The following ERBB4 variants were observed in gnomAD, a reference collection of about 807,000 sequenced individuals.
ERBB4 encodes erb-b2 receptor tyrosine kinase 4.
A neutral mutation model predicts 158.0 loss-of-function variants in ERBB4; 42 were observed. That is an observed-to-expected ratio of 0.27 (90% CI 0.21 to 0.34). The LOEUF (loss-of-function observed/expected upper bound fraction) is 0.34, where lower values mean the gene tolerates loss of function less well. Among genes scored for constraint, ERBB4 ranks in the 10% least tolerant of loss-of-function variants. ERBB4 has a pLI of 1.00. For synonymous variants in ERBB4, 583 were observed against 558.7 expected (o/e 1.04, Z -0.61); for missense variants, 1,333 against 1,624.1 (o/e 0.82, Z 3.08).
chr2:211,997,909 T>TACA (rs35510591), intron 2 of ERBB4, among the ~76,000 whole-genome samples: 3,947 of 150,550 alleles, frequency 0.026, 64 homozygotes, highest in African/African-American at 0.05. Flanking sequence ...CACACACACA[T>TACA]CACACACACA....
chr2:212,274,641 C>A (rs75119611), intron 1 of ERBB4, among the ~76,000 whole-genome samples: 16,890 of 151,778 alleles, frequency 0.11, 1,115 homozygotes, highest in South Asian at 0.2. Context: ...GTATGGTCTG[C>A]AAGTGTTACT....
chr2:211,476,737 A>G (rs575834696), intron 20 of ERBB4, among the ~76,000 whole-genome samples: 1 of 152,222 alleles, frequency 6.6e-6, no homozygotes, highest in South Asian at 2.1e-4. Context: ...TGTTTTGCAA[A>G]ATACAAAACA....
At chr2:211,580,188 T>C (rs956068781) in intron 19 of ERBB4, among the ~76,000 whole-genome samples, 1 of 152,066 alleles carries the variant, frequency 6.6e-6, no homozygotes, top group African/African-American at 2.4e-5. Context: ...ATTATCCGTT[T>C]AAGGAAAAAC....
At chr2:211,490,771 T>TGCAC in intron 20 of ERBB4, among the ~76,000 whole-genome samples, 1 of 152,162 alleles carries the variant, frequency 6.6e-6, no homozygotes, top group African/African-American at 2.4e-5. Flanking sequence ...CTTACAGCTT[T>TGCAC]GCATCCTAAT....
At chr2:211,479,355 T>G (rs776466485) in intron 20 of ERBB4, among the ~76,000 whole-genome samples, 3 of 152,150 alleles carry the variant, frequency 2.0e-5, no homozygotes, top group Non-Finnish European at 4.4e-5. Context: ...TCCAAAACCA[T>G]CAAGACATTT....
chr2:212,285,024 T>C (rs7570768), intron 1 of ERBB4, among the ~76,000 whole-genome samples: 1 of 151,894 alleles, frequency 6.6e-6, no homozygotes, highest in African/African-American at 2.4e-5. Flanking sequence ...TTAATGTAAT[T>C]TGATAGCTCA....
chr2:211,751,720 T>G (rs867064201), intron 4 of ERBB4, among the ~76,000 whole-genome samples: 1 of 152,188 alleles, frequency 6.6e-6, no homozygotes, highest in Non-Finnish European at 1.5e-5. Context: ...TTCAAGTTTT[T>G]AATTCCTCAA....
intron 19 of ERBB4, among the ~76,000 whole-genome samples, chr2:211,568,995 GTAAT>G (rs1362265904): frequency 6.6e-6 from 1 of 152,170 alleles, no homozygotes; most frequent in Non-Finnish European, 1.5e-5. Context: ...TAGGTGAGCA[GTAAT>G]TAGAGAGGCT....
rs1213368277 is a variant in ERBB4, at chr2:211,376,199, A to C, written c.*7416T>G. ...AGCGAGTGCAGAGGTTGAACACATC[A>C]CAATAGTGCTGAACACAGAATCACA... is the stretch of plus-strand genomic sequence containing the variant. On this transcript the variant is annotated 3_prime_UTR_variant, in exon 28 of 28. Transcript: ENST00000342788. 1 of 233,086 alleles carries C rather than the reference A, an allele frequency of 4.3e-6. No individual in the cohort carries two copies. The allele number at this position is 233,086 out of a possible 1,614,324, so 14.4% of individuals were successfully genotyped here.
At chr2:211,700,488 T>C (rs2073193060) in intron 12 of ERBB4, among the ~76,000 whole-genome samples, 4 of 152,168 alleles carry the variant, frequency 2.6e-5, no homozygotes, top group Admixed American at 2.0e-4. Context: ...CTCCTTTATT[T>C]GGAAATATTT....
chr2:211,689,791 T>C (rs1222886630), intron 12 of ERBB4, among the ~76,000 whole-genome samples: 1 of 151,976 alleles, frequency 6.6e-6, no homozygotes, highest in Non-Finnish European at 1.5e-5. Flanking sequence ...AGTGTTTACA[T>C]ACTCTTGCTA....
chr2:212,404,116 G>A (rs960824216), intron 1 of ERBB4, among the ~76,000 whole-genome samples: 2 of 151,886 alleles, frequency 1.3e-5, no homozygotes, highest in East Asian at 1.9e-4. Flanking sequence ...TTATTCACAC[G>A]AGCCATGAGG....
intron 3 of ERBB4, among the ~76,000 whole-genome samples, chr2:211,898,807 A>T (rs1270082394): frequency 6.6e-6 from 1 of 152,158 alleles, no homozygotes; most frequent in East Asian, 1.9e-4. Flanking sequence ...TCCTGTAGTC[A>T]GTCACTTGTG....
chr2:212,311,794 C>T (rs1461142838), intron 1 of ERBB4, among the ~76,000 whole-genome samples: 1 of 150,910 alleles, frequency 6.6e-6, no homozygotes, highest in Non-Finnish European at 1.5e-5. Flanking sequence ...AATGACATTT[C>T]CCAGATGGAA....
chr2:211,624,103 GTCTCTCTC>G, intron 17 of ERBB4, 59 bp from the exon 18 acceptor site: 5 of 1,393,908 alleles, frequency 3.6e-6, no homozygotes, highest in Admixed American at 3.8e-5. Flanking sequence ...CTCTCTCTCT[GTCTCTCTC>G]TCTCTCTCTC....
intron 3 of ERBB4, among the ~76,000 whole-genome samples, chr2:211,788,812 G>A (rs2076223456): frequency 6.6e-6 from 1 of 152,152 alleles, no homozygotes; most frequent in African/African-American, 2.4e-5. Context: ...TAAAATTAAT[G>A]CCTCAATCAC....
At chr2:212,157,164 C>A (rs2081060409) in intron 1 of ERBB4, among the ~76,000 whole-genome samples, 1 of 152,096 alleles carries the variant, frequency 6.6e-6, no homozygotes. Flanking sequence ...ACCCCTCACA[C>A]TACAGACTTC....
intron 1 of ERBB4, among the ~76,000 whole-genome samples, chr2:212,370,027 G>T (rs574577578): frequency 6.6e-6 from 1 of 152,184 alleles, no homozygotes; most frequent in African/African-American, 2.4e-5. Context: ...TAATGAATTG[G>T]TGATTAGCTG....
At chr2:212,453,206 T>A (rs1219090891) in intron 1 of ERBB4, among the ~76,000 whole-genome samples, 1 of 152,196 alleles carries the variant, frequency 6.6e-6, no homozygotes, top group Non-Finnish European at 1.5e-5. Context: ...CTATAGGTGT[T>A]GCTTCTTATA....
Sources: gnomAD v4.1 joint callset for allele counts (sites outside exome capture counted in the v4.1 genomes callset) on GRCh38, gnomAD v4.1.1 for gene constraint, MANE v1.5 for transcripts, NCBI Gene and HGNC (gene_info 2026-07-23, HGNC 2026-07-21) for gene names.